Variants in MAP3K3 observed in about 807,000 individuals in gnomAD.
The protein encoded by MAP3K3 is MAP/ERK kinase kinase 3.
In MAP3K3, 12 loss-of-function variants were observed where a neutral mutation model predicts 80.9. The ratio of observed to expected loss-of-function variants is 0.15; its 90% CI spans 0.10 to 0.24. The LOEUF (loss-of-function observed/expected upper bound fraction) is 0.24, where lower values mean the gene tolerates loss of function less well. Among genes scored for constraint, MAP3K3 ranks in the 10% least tolerant of loss-of-function variants. The pLI is 1.00. For missense variants in MAP3K3, 596 were observed against 834.7 expected, an observed-to-expected ratio of 0.71 and a Z score of 3.52; for synonymous variants, 272 against 307.1, an observed-to-expected ratio of 0.89 and a Z score of 1.19.
Position 63,689,172 on chromosome 17 carries a change from G to A in MAP3K3, c.871+291G>A. ...CTGCCCCACAGCAGCAGGTGGCCTG[G>A]GCCCTGTAGAGGGGTAAGGAGTAGG... On this transcript the variant is annotated intron_variant, in intron 10 of 15. Transcript: ENST00000361733. The surrounding 1 kb of genome is among the most constrained non-coding windows in gnomAD (Gnocchi z 4.3). The A allele has an allele frequency of 3.6e-6, 2 of 560,800 alleles. No homozygotes were observed. Among genetic ancestry groups the A allele is most frequent in the South Asian group, 2.1e-5 (1 of 47,438 alleles). 34.7% of individuals were successfully genotyped at this position (560,800 alleles called of 1,614,324 possible).
rs1266240817 is a variant in MAP3K3 at position 63,693,709 on chromosome 17, G to A, written c.1813G>A (p.Val605Met). 2 of 1,604,798 alleles carry A rather than the reference G, an allele frequency of 1.2e-6. No homozygotes were observed. Among genetic ancestry groups the A allele is most frequent in the Non-Finnish European group, 8.5e-7 (1 of 1,173,990 alleles). ...HGRDFLRRIF[V>M]EARQRPSAEE... ...CCGGGACTTCCTGAGGCGCATTTTT[G>A]TGGAGGCTCGCCAGAGACCTTCAGC... The change falls in exon 16 of 16, where the codon GTG becomes ATG. Residue 605 changes from valine to methionine, a missense_variant. Val to Met is a conservative substitution (Grantham distance 21, BLOSUM62 1). Transcript: ENST00000361733. This position sits in a 1 kb window ranked among gnomAD's most constrained non-coding sequence, Gnocchi z 4.2.
chr17:63,640,879 T>C (rs1390560004), intron 2 of MAP3K3, among the ~76,000 whole-genome samples: 2 of 152,092 alleles, frequency 1.3e-5, no homozygotes, highest in African/African-American at 2.4e-5. Context: ...CCCCCCAAAC[T>C]AACTTTTAAG....
intron 2 of MAP3K3, among the ~76,000 whole-genome samples, chr17:63,639,112 G>C (rs949850724): frequency 6.6e-6 from 1 of 152,212 alleles, no homozygotes; most frequent in Non-Finnish European, 1.5e-5. Context: ...ATGAAAAAAA[G>C]AAAGTATGAT....
chr17:63,663,969 G>A (rs1422367965), intron 5 of MAP3K3, among the ~76,000 whole-genome samples: 5 of 152,142 alleles, frequency 3.3e-5, no homozygotes, highest in Admixed American at 6.5e-5. Flanking sequence ...TAGGCCGGGC[G>A]CGGTGGCTCA....
intron 2 of MAP3K3, 40 bp from the exon 3 acceptor site, chr17:63,645,994 C>T: frequency 1.3e-6 from 2 of 1,577,702 alleles, no homozygotes; most frequent in Non-Finnish European, 1.7e-6. Context: ...GTGACACATT[C>T]CAGAGAATTC....
chr17:63,673,742 C>T lies in MAP3K3; in HGVS notation c.502+6682C>T, dbSNP rs59996795. ...CCTGTCCAACATGGTGAAACCCTGT[C>T]TGTACTAAAAATACAAAAATTAGCC... On this transcript the variant is annotated intron_variant, in intron 6 of 15. Coordinates refer to ENST00000361733, the MANE Select transcript of MAP3K3 (RefSeq NM_002401.5). Among the ~76,000 whole-genome samples the T allele has an allele frequency of 1.7e-3, 266 of 152,190 alleles. 2 individuals carry two copies. The highest frequency in any genetic ancestry group is 6.1e-3 in the African/African-American group (253 of 41,512).
chr17:63,660,969 T>C (rs2034879178), intron 5 of MAP3K3, among the ~76,000 whole-genome samples: 1 of 152,238 alleles, frequency 6.6e-6, no homozygotes, highest in Non-Finnish European at 1.5e-5. Flanking sequence ...GTACATAGTC[T>C]TACCTCTCCC....
chr17:63,630,660 T>C (rs2034197474), intron 1 of MAP3K3, among the ~76,000 whole-genome samples: 1 of 152,180 alleles, frequency 6.6e-6, no homozygotes, highest in South Asian at 2.1e-4. Flanking sequence ...ATAGGGAAAT[T>C]GTAGAAGGTA....
At chr17:63,629,423 C>T (rs533582842) in intron 1 of MAP3K3, among the ~76,000 whole-genome samples, 2 of 152,278 alleles carry the variant, frequency 1.3e-5, no homozygotes, top group Admixed American at 6.5e-5. Context: ...CTGCGCCCAG[C>T]CTGTTATTTG....
chr17:63,671,639 C>T (rs552504231), intron 6 of MAP3K3, among the ~76,000 whole-genome samples: 7 of 152,258 alleles, frequency 4.6e-5, no homozygotes, highest in Admixed American at 1.3e-4. Flanking sequence ...GGTCAGGTGC[C>T]TGAGGTGATG....
At chr17:63,690,236 G>T (rs753431133) in intron 11 of MAP3K3, 28 bp from the exon 12 acceptor site, 1 of 1,606,138 alleles carries the variant, frequency 6.2e-7, no homozygotes, top group African/African-American at 1.3e-5. Flanking sequence ...TGTACACAAA[G>T]TAACTCTTTC....
intron 9 of MAP3K3, 73 bp from the exon 10 acceptor site, chr17:63,688,716 C>A (rs1568154112): frequency 2.1e-6 from 3 of 1,405,434 alleles, no homozygotes; most frequent in Non-Finnish European, 3.0e-6. Flanking sequence ...GTCTCAGGTG[C>A]CTTGGGGACT....
intron 2 of MAP3K3, among the ~76,000 whole-genome samples, chr17:63,633,337 G>T (rs16947010): frequency 6.6e-6 from 1 of 151,832 alleles, no homozygotes; most frequent in African/African-American, 2.4e-5. Context: ...ATTCATATTC[G>T]TTTTTCCCCT....
chr17:63,674,776 C>T lies in MAP3K3; in HGVS notation c.503-6990C>T, dbSNP rs1327549642. On this transcript the variant is annotated intron_variant, in intron 6 of 15. Transcript: ENST00000361733. ...GAGCTGACTCCTGCTGGAGATGAATCGAGTCCAGGTAGAGGGTTTATAATA... is the reference window on the plus strand; with the variant it reads ...GAGCTGACTCCTGCTGGAGATGAATTGAGTCCAGGTAGAGGGTTTATAATA... Among the ~76,000 whole-genome samples the T allele has an allele frequency of 2.0e-5, 3 of 152,056 alleles. 1 individual carries two copies. The highest frequency in any genetic ancestry group is 7.2e-5 in the African/African-American group (3 of 41,404).
chr17:63,690,470 T>C, intron 12 of MAP3K3, 58 bp downstream of exon 12: 2 of 1,577,138 alleles, frequency 1.3e-6, no homozygotes, highest in East Asian at 2.2e-5. Context: ...ATGCCTGTCT[T>C]ACCACACAGA....
In MAP3K3 at chr17:63,622,783, C is replaced by A; in HGVS notation, c.4+20C>A. Reference sequence around the variant, plus strand: ...CCATGGGTAAGTGTCGCCACCGCCCCGGCCTGTGCCCGCGCTGCTTCGCGA... The same window carrying A: ...CCATGGGTAAGTGTCGCCACCGCCCAGGCCTGTGCCCGCGCTGCTTCGCGA... On this transcript the variant is annotated intron_variant, in intron 1 of 15. Transcript: ENST00000361733. 1 of 511,016 alleles carries A rather than the reference C, an allele frequency of 2.0e-6. No individual in the cohort carries two copies. Among genetic ancestry groups the A allele is most frequent in the Non-Finnish European group, 3.8e-6 (1 of 264,536 alleles). 31.7% of individuals were successfully genotyped at this position (511,016 alleles called of 1,614,324 possible).
chr17:63,629,723 A>G (rs1302089546), intron 1 of MAP3K3, among the ~76,000 whole-genome samples: 2 of 152,254 alleles, frequency 1.3e-5, no homozygotes, highest in African/African-American at 2.4e-5. Context: ...ATTAGATTCT[A>G]TAACCCTGAT....
chr17:63,670,588 A>G (rs1438443684), intron 6 of MAP3K3, among the ~76,000 whole-genome samples: 1 of 124,990 alleles, frequency 8.0e-6, no homozygotes, highest in East Asian at 2.0e-4. Flanking sequence ...CTCTGTCTCA[A>G]AAAAAAAAAA....
At position 63,693,580 on chromosome 17, in the gene MAP3K3, A is replaced by G. The variant is rs1487590679; in HGVS notation, c.1684A>G (p.Thr562Ala). The G allele has an allele frequency of 6.2e-7, 1 of 1,608,040 alleles. No individual in the cohort carries two copies. Among genetic ancestry groups the G allele is most frequent in the South Asian group, 1.1e-5 (1 of 90,372 alleles). ...SLGCTVVEMLTEKPPWAEYEA... is the reference protein window; with the variant it reads ...SLGCTVVEMLAEKPPWAEYEA... The stretch of plus-strand genomic sequence containing the variant: ...GGGCTGCACTGTGGTGGAGATGCTG[A>G]CAGAGAAACCACCGTGGGCAGAGTA... The change falls in exon 16 of 16, where the codon ACA becomes GCA. Residue 562 changes from threonine (T) to alanine (A), a missense_variant. Thr to Ala is a moderately conservative substitution (Grantham distance 58). This residue lies in a region of MAP3K3 where 364 missense variants were observed against 588.9 expected (regional missense o/e 0.62). Transcript: ENST00000361733. The surrounding 1 kb of genome is among the most constrained non-coding windows in gnomAD (Gnocchi z 4.2).
Sources: gnomAD v4.1 joint callset for allele counts (sites outside exome capture counted in the v4.1 genomes callset) on GRCh38, gnomAD v4.1.1 for gene constraint, gnomAD v4.1.1 regional missense constraint, Gnocchi (gnomAD v3.1) non-coding constraint, MANE v1.5 for transcripts, NCBI Gene and HGNC (gene_info 2026-07-23, HGNC 2026-07-21) for gene names.